Variants in SNX29 observed in about 807,000 individuals in gnomAD.
The protein encoded by SNX29 is sorting nexin 29.
SNX29 carries 78 observed loss-of-function variants against 102.1 expected under a neutral mutation model. The ratio of observed to expected loss-of-function variants is 0.76; its 90% CI spans 0.64 to 0.92. The LOEUF is 0.92. Among genes scored for constraint, SNX29 ranks in the 40% least tolerant of loss-of-function variants. SNX29 has a pLI of 0.00. For synonymous variants in SNX29, 580 were observed against 414.5 expected (o/e 1.40, Z -4.85); for missense variants, 1,280 against 1,061.7 (o/e 1.21, Z -2.86).
chr16:12,165,823 C>G (rs962444977), intron 13 of SNX29, among the ~76,000 whole-genome samples: 1 of 152,246 alleles, frequency 6.6e-6, no homozygotes, highest in African/African-American at 2.4e-5. Context: ...CTCGGCCTCC[C>G]AAAGTGTTGG....
At chr16:12,252,226 C>T (rs567703717) in intron 14 of SNX29, among the ~76,000 whole-genome samples, 1 of 152,010 alleles carries the variant, frequency 6.6e-6, no homozygotes, top group South Asian at 2.1e-4. Context: ...CCACAAACTT[C>T]AAAGTGACAG....
chr16:12,028,730 T>C lies in SNX29; in HGVS notation c.247+1286T>C, dbSNP rs1442354544. Among the ~76,000 whole-genome samples, 4 of 152,012 alleles carry C rather than the reference T, an allele frequency of 2.6e-5. No individual in the cohort carries two copies. The East Asian group carries it at 7.7e-4, about 29-fold the overall frequency. The stretch of plus-strand genomic sequence containing the variant: ...TTTATTGGTACATAATATTTGTACA[T>C]ATGTATGGGGTACCTGTGATTTTTT... On this transcript the variant is annotated intron_variant, in intron 4 of 20. Transcript: ENST00000566228.
At chr16:12,123,284 T>C (rs2054057706) in intron 11 of SNX29, among the ~76,000 whole-genome samples, 1 of 152,186 alleles carries the variant, frequency 6.6e-6, no homozygotes, top group African/African-American at 2.4e-5. Context: ...TTAATGTGTG[T>C]GATGAGGACA....
chr16:12,283,709 G>A (rs1328555464), intron 15 of SNX29, among the ~76,000 whole-genome samples: 4 of 152,214 alleles, frequency 2.6e-5, no homozygotes, highest in Non-Finnish European at 4.4e-5. Flanking sequence ...AAATGAATGG[G>A]ACGCAGTGCC....
intron 16 of SNX29, among the ~76,000 whole-genome samples, chr16:12,364,650 C>T (rs1040584573): frequency 5.9e-5 from 9 of 152,130 alleles, no homozygotes; most frequent in Admixed American, 2.6e-4. Context: ...AAGGTGAAGC[C>T]ACTCATTAAA....
rs77505804 is a variant in SNX29 at position 12,568,969 on chromosome 16, A to G, written c.*340A>G. 0.017 allele frequency: 6,229 copies of G among 360,076 alleles called. 160 individuals carry two copies. Among genetic ancestry groups the G allele is most frequent in the South Asian group, 0.093 (1,861 of 19,926 alleles). 22.3% of individuals were successfully genotyped at this position (360,076 alleles called of 1,614,324 possible). On this transcript the variant is annotated 3_prime_UTR_variant, in exon 21 of 21. Coordinates refer to ENST00000566228, the MANE Select transcript of SNX29 (RefSeq NM_032167.5). ...GGCACCAGGTCAGGCTGGGTGCGCC[A>G]TGGTTGAGAGGCAAAGGTGATCCCC...
At chr16:12,027,133 A>G (rs1339227588) in intron 3 of SNX29, among the ~76,000 whole-genome samples, 187 bp from the exon 4 acceptor site, 2 of 152,302 alleles carry the variant, frequency 1.3e-5, no homozygotes, top group African/African-American at 4.8e-5. Flanking sequence ...TGTGAAATGA[A>G]CATCAACACG....
At chr16:12,346,122 A>C (rs2081795158) in intron 15 of SNX29, among the ~76,000 whole-genome samples, 2 of 150,486 alleles carry the variant, frequency 1.3e-5, no homozygotes, top group South Asian at 2.1e-4. Context: ...GGTTTTAGAA[A>C]GATCATTTGA....
chr16:12,385,179 A>G (rs1227767368), intron 16 of SNX29, among the ~76,000 whole-genome samples: 1 of 152,242 alleles, frequency 6.6e-6, no homozygotes, highest in African/African-American at 2.4e-5. Context: ...TCAAAAAAGA[A>G]AAAAGAAAAG....
intron 19 of SNX29, among the ~76,000 whole-genome samples, chr16:12,518,696 C>T (rs1423880372): frequency 6.6e-6 from 1 of 152,244 alleles, no homozygotes; most frequent in African/African-American, 2.4e-5. Context: ...CCCAGCTAAA[C>T]ATCTGTGGAT....
chr16:12,042,569 G>T (rs1297892765), intron 4 of SNX29, among the ~76,000 whole-genome samples: 3 of 152,150 alleles, frequency 2.0e-5, no homozygotes, highest in African/African-American at 7.2e-5. Context: ...TTATAAGTGA[G>T]ACTATCCAAT....
At chr16:12,434,506 T>A (rs924555345) in intron 18 of SNX29, among the ~76,000 whole-genome samples, 2 of 152,158 alleles carry the variant, frequency 1.3e-5, no homozygotes, top group African/African-American at 2.4e-5. Flanking sequence ...CAGAGTGATA[T>A]GCCTGGAAGT....
chr16:12,230,823 T>TGTAC (rs540414691), intron 14 of SNX29, among the ~76,000 whole-genome samples: 2 of 128,420 alleles, frequency 1.6e-5, no homozygotes, highest in African/African-American at 5.7e-5. Context: ...ATAAGTCGTA[T>TGTAC]GTATGTATGT....
At position 12,494,419 on chromosome 16, in the gene SNX29, C is replaced by A. The variant is rs2088708384; in HGVS notation, c.2178+16560C>A. ...TCCGCGCACTGAGAGACGGGCATGG[C>A]CTCTTGCGTCAGTGGAGGCTGGATT... On this transcript the variant is annotated intron_variant, in intron 19 of 20. Coordinates refer to ENST00000566228, the MANE Select transcript of SNX29 (RefSeq NM_032167.5). 2.0e-5 allele frequency among the ~76,000 whole-genome samples: 3 copies of A among 152,308 alleles called. No individual in the cohort carries two copies. The South Asian group carries it at 6.2e-4, about 32-fold the overall frequency.
chr16:12,527,204 T>C, intron 20 of SNX29: 1 of 533,906 alleles, frequency 1.9e-6, no homozygotes, highest in Non-Finnish European at 3.6e-6. Flanking sequence ...ACGGATTGTT[T>C]CATTTTGGGG....
At chr16:12,422,133 C>A (rs960490485) in intron 18 of SNX29, among the ~76,000 whole-genome samples, 1 of 152,196 alleles carries the variant, frequency 6.6e-6, no homozygotes, top group African/African-American at 2.4e-5. Context: ...AAGAAAGAGG[C>A]AGCATTTTTC....
intron 4 of SNX29, among the ~76,000 whole-genome samples, chr16:12,038,960 T>C (rs1402204283): frequency 1.3e-5 from 2 of 152,114 alleles, no homozygotes; most frequent in African/African-American, 4.8e-5. Context: ...TTGTGTGGAG[T>C]AGACTGATCG....
At chr16:12,247,021 A>G (rs2078279170) in intron 14 of SNX29, among the ~76,000 whole-genome samples, 1 of 152,162 alleles carries the variant, frequency 6.6e-6, no homozygotes, top group Non-Finnish European at 1.5e-5. Flanking sequence ...TGAGGGGAGC[A>G]GGGCCTTGTA....
chr16:12,417,661 C>G (rs543194774), intron 18 of SNX29, among the ~76,000 whole-genome samples: 14 of 151,956 alleles, frequency 9.2e-5, no homozygotes, highest in African/African-American at 2.9e-4. Flanking sequence ...TCCCTCTTCC[C>G]TTCCTCCTCT....
Sources: gnomAD v4.1 joint callset for allele counts (sites outside exome capture counted in the v4.1 genomes callset) on GRCh38, gnomAD v4.1.1 for gene constraint, MANE v1.5 for transcripts, NCBI Gene and HGNC (gene_info 2026-07-23, HGNC 2026-07-21) for gene names.